Variants in PLD6 observed in about 807,000 individuals in gnomAD.
PLD6 encodes the protein phospholipase D family member 6.
In PLD6, 10 loss-of-function variants were observed where a neutral mutation model predicts 9.7. The observed-to-expected ratio is 1.03, with a 90% CI of 0.64 to 1.75. The LOEUF (loss-of-function observed/expected upper bound fraction) is 1.75, where lower values mean the gene tolerates loss of function less well. Among genes scored for constraint, PLD6 ranks in the 40% most tolerant of loss-of-function variants. The pLI is 0.00. For synonymous variants in PLD6, 152 were observed against 159.2 expected (o/e 0.96, Z 0.34); for missense variants, 334 against 347.6 (o/e 0.96, Z 0.31).
At position 17,202,840 on chromosome 17, in the gene PLD6, G is replaced by A. The variant is rs2046686031; in HGVS notation, c.686C>T (p.Pro229Leu). 1 of 1,614,212 alleles carries A rather than the reference G, an allele frequency of 6.2e-7. No homozygotes were observed. Among genetic ancestry groups the A allele is most frequent in the African/African-American group, 1.3e-5 (1 of 75,060 alleles). ...PKKSHGSCAPPVSRAGGRLLS... is the reference protein window; with the variant it reads ...PKKSHGSCAPLVSRAGGRLLS... The stretch of plus-strand genomic sequence containing the variant: ...CAATCTCCCTCCAGCTCTGGAGACA[G>A]GTGGGGCACAGCTTCCGTGACTTTT... Residue 229 changes from proline (P) to leucine (L), a missense_variant, in exon 2 of 2, where the codon CCT becomes CTT. Physicochemically the swap from Pro to Leu is moderately conservative, Grantham distance 98. Transcript: ENST00000321560.
At position 17,202,455 on chromosome 17, in the gene PLD6, G is replaced by A. The variant is rs1348402988; in HGVS notation, c.*312C>T. The A allele has an allele frequency of 1.3e-5, 4 of 316,170 alleles. No individual in the cohort carries two copies. The East Asian group carries it at 2.7e-4, about 21-fold the overall frequency. 19.6% of individuals were successfully genotyped at this position (316,170 alleles called of 1,614,324 possible). On this transcript the variant is annotated 3_prime_UTR_variant, in exon 2 of 2. Transcript: ENST00000321560. ...TAGAATCAGGGAAGGGAATGGGATC[G>A]ACCTGGAAGAGGCACTGTGCCTTTT...
At position 17,202,450 on chromosome 17, in the gene PLD6, G is replaced by A; in HGVS notation, c.*317C>T. ...TTTTCTAGAATCAGGGAAGGGAATG[G>A]GATCGACCTGGAAGAGGCACTGTGC... On this transcript the variant is annotated 3_prime_UTR_variant, in exon 2 of 2. Coordinates refer to ENST00000321560, the MANE Select transcript of PLD6 (RefSeq NM_178836.4). The A allele has an allele frequency of 3.2e-6, 1 of 309,858 alleles. No homozygotes were observed. The highest frequency in any genetic ancestry group is 6.1e-6 in the Non-Finnish European group (1 of 164,388). The allele number at this position is 309,858 out of a possible 1,614,324, so 19.2% of individuals were successfully genotyped here.
In PLD6 at chr17:17,202,854, T is replaced by C; in HGVS notation, c.672A>G (p.Gly224=). Residue 224 remains glycine (G), a synonymous_variant, in exon 2 of 2, where the codon GGA becomes GGG. Coordinates refer to ENST00000321560, the MANE Select transcript of PLD6 (RefSeq NM_178836.4). ...CTCTGGAGACAGGTGGGGCACAGCT[T>C]CCGTGACTTTTCTTTGGTGGGAAAA... ...YTFFPPKKSH[G]SCAPPVSRAG... 1.2e-6 allele frequency: 2 copies of C among 1,614,196 alleles called. No homozygotes were observed. Among genetic ancestry groups the C allele is most frequent in the Non-Finnish European group, 1.7e-6 (2 of 1,180,028 alleles).
At chr17:17,205,784 C>A in intron 1 of PLD6, 76 bp downstream of exon 1, 3 of 1,488,552 alleles carry the variant, frequency 2.0e-6, no homozygotes, top group Middle Eastern at 1.7e-4. Context: ...ACCCCCTCCC[C>A]TAAGTGTCCA....
Position 17,202,944 on chromosome 17 carries a change from G to A in PLD6, c.582C>T (p.Tyr194=), listed in dbSNP as rs142631639. The A allele has an allele frequency of 3.8e-5, 62 of 1,614,080 alleles. No individual in the cohort carries two copies. The highest frequency in any genetic ancestry group is 4.4e-5 in the Non-Finnish European group (52 of 1,180,046). Reference sequence around the variant, plus strand: ...CAAATTCTTCCAGAAAAAGCCGCACGTACTCGTCGTCCTCCGTGATGAGAA... The same window carrying A: ...CAAATTCTTCCAGAAAAAGCCGCACATACTCGTCGTCCTCCGTGATGAGAA... ...ENVLITEDDE[Y]VRLFLEEFER... The change falls in exon 2 of 2, where the codon TAC becomes TAT. Residue 194 remains tyrosine (Y), a synonymous_variant. Transcript: ENST00000321560.
chr17:17,206,171 C>T lies in PLD6; in HGVS notation c.116G>A (p.Arg39His). The change falls in exon 1 of 2, where the codon CGC becomes CAC. Residue 39 changes from arginine (R) to histidine (H), a missense_variant. Physicochemically the swap from Arg to His is conservative, Grantham distance 29. Transcript: ENST00000321560. ...CTGAGACGGGAAGAACAGCGCCTCG[C>T]GCCGCGGCCGCCGCCGCCTGGACCG... ...WLRSRRRRPR[R>H]EALFFPSQVT... 6.6e-7 allele frequency: 1 copy of T among 1,506,380 alleles called. No individual in the cohort carries two copies. The highest frequency in any genetic ancestry group is 1.4e-5 in the African/African-American group (1 of 69,264). 93.3% of individuals were successfully genotyped at this position (1,506,380 alleles called of 1,614,324 possible).
At position 17,202,761 on chromosome 17, in the gene PLD6, T is replaced by C; in HGVS notation, c.*6A>G. ...GCCCGCAGGGAGGGCTCAGCCCCAT[T>C]CTTGGTTAGGTTTGGCTTTCGCTGG... On this transcript the variant is annotated 3_prime_UTR_variant, in exon 2 of 2. Coordinates refer to ENST00000321560, the MANE Select transcript of PLD6 (RefSeq NM_178836.4). 6.2e-7 allele frequency: 1 copy of C among 1,610,654 alleles called. No homozygotes were observed. Among genetic ancestry groups the C allele is most frequent in the Non-Finnish European group, 8.5e-7 (1 of 1,177,896 alleles).
rs151092181 is a variant in PLD6, at chr17:17,205,788, G to C, written c.427+72C>G. 7.9e-3 allele frequency: 11,792 copies of C among 1,496,118 alleles called. 120 individuals are homozygous for C. Among genetic ancestry groups the C allele is most frequent in the Admixed American group, 0.046 (2,272 of 49,718 alleles). The allele number at this position is 1,496,118 out of a possible 1,614,324, so 92.7% of individuals were successfully genotyped here. On this transcript the variant is annotated intron_variant, in intron 1 of 1. Coordinates refer to ENST00000321560, the MANE Select transcript of PLD6 (RefSeq NM_178836.4). Reference sequence around the variant, plus strand: ...CCCGTCCCCAGACCCCCTCCCCTAAGTGTCCACCTTTGCGCCTAGGACCCC... The same window carrying C: ...CCCGTCCCCAGACCCCCTCCCCTAACTGTCCACCTTTGCGCCTAGGACCCC...
At chr17:17,205,790 G>A (rs1176040710) in intron 1 of PLD6, 70 bp downstream of exon 1, 2 of 1,501,848 alleles carry the variant, frequency 1.3e-6, no homozygotes, top group African/African-American at 1.4e-5. Flanking sequence ...TCCCCTAAGT[G>A]TCCACCTTTG....
At chr17:17,205,801 C>T in intron 1 of PLD6, 59 bp downstream of exon 1, 2 of 1,526,340 alleles carry the variant, frequency 1.3e-6, no homozygotes, top group South Asian at 1.2e-5. Flanking sequence ...TCCACCTTTG[C>T]GCCTAGGACC....
chr17:17,203,770 T>C lies in PLD6; in HGVS notation c.428-672A>G, dbSNP rs1401511189. On this transcript the variant is annotated intron_variant, in intron 1 of 1. Coordinates refer to ENST00000321560, the MANE Select transcript of PLD6 (RefSeq NM_178836.4). Reference sequence around the variant, plus strand: ...GCTTAAGGAATGAGGCCGTCAGAAATGGGGCTTAAAAGAAGTTTTAAACAG... The same window carrying C: ...GCTTAAGGAATGAGGCCGTCAGAAACGGGGCTTAAAAGAAGTTTTAAACAG... Among the ~76,000 whole-genome samples the C allele has an allele frequency of 3.9e-5, 6 of 152,132 alleles. No homozygotes were observed. In the East Asian group the frequency reaches 1.2e-3, roughly 29 times the overall value.
chr17:17,201,086 T>G lies in PLD6; in HGVS notation c.*1681A>C, dbSNP rs543784603. On this transcript the variant is annotated 3_prime_UTR_variant, in exon 2 of 2. Coordinates refer to ENST00000321560, the MANE Select transcript of PLD6 (RefSeq NM_178836.4). ...GAGATGCTTTACAAGCTCTCCCATT[T>G]TCTTTTCAGAACATACACTGGGGGA... is the stretch of plus-strand genomic sequence containing the variant. 6.6e-6 allele frequency: 1 copy of G among 152,406 alleles called. No homozygotes were observed. Among genetic ancestry groups the G allele is most frequent in the South Asian group, 2.1e-4 (1 of 4,832 alleles). The allele number at this position is 152,406 out of a possible 1,614,324, so 9.4% of individuals were successfully genotyped here. A position where few individuals can be genotyped will look rare whatever the true frequency, so the allele number is the denominator to read the frequency against.
At chr17:17,203,175 C>G in intron 1 of PLD6, 77 bp from the exon 2 acceptor site, 1 of 1,424,290 alleles carries the variant, frequency 7.0e-7, no homozygotes, top group East Asian at 2.4e-5. Context: ...GGGCTACTGG[C>G]TTTACTATAT....
At chr17:17,204,504 C>G (rs1280555848) in intron 1 of PLD6, 1 of 152,314 alleles carries the variant, frequency 6.6e-6, no homozygotes, top group African/African-American at 2.4e-5. Context: ...CTAGGATGTT[C>G]CAGCTCCTCA....
In PLD6 at chr17:17,206,181, G is replaced by A. The variant is rs771440944; in HGVS notation, c.106C>T (p.Arg36Trp). The change falls in exon 1 of 2, where the codon CGG becomes TGG. Residue 36 changes from arginine to tryptophan, a missense_variant. By Grantham distance (101) the Arg-to-Trp change is moderately radical (BLOSUM62 -3). Coordinates refer to ENST00000321560, the MANE Select transcript of PLD6 (RefSeq NM_178836.4). Reference protein sequence around the residue: ...VLRWLRSRRRRPRREALFFPS... With the variant: ...VLRWLRSRRRWPRREALFFPS... ...AAGAACAGCGCCTCGCGCCGCGGCC[G>A]CCGCCGCCTGGACCGCAGCCAGCGC... 5 of 1,511,298 alleles carry A rather than the reference G, an allele frequency of 3.3e-6. No homozygotes were observed. In the South Asian group the frequency reaches 3.7e-5, roughly 11 times the overall value. The allele number at this position is 1,511,298 out of a possible 1,614,324, so 93.6% of individuals were successfully genotyped here.
At chr17:17,205,223 C>T (rs928881710) in intron 1 of PLD6, among the ~76,000 whole-genome samples, 1 of 152,166 alleles carries the variant, frequency 6.6e-6, no homozygotes, top group African/African-American at 2.4e-5. Context: ...CTGTCCCCAC[C>T]CCATGAGAGA....
At chr17:17,203,240 G>A in intron 1 of PLD6, 142 bp from the exon 2 acceptor site, 1 of 852,044 alleles carries the variant, frequency 1.2e-6, no homozygotes, top group Non-Finnish European at 1.8e-6. Flanking sequence ...AGTGGTGGCG[G>A]CTAAGCTCCC....
rs2046678309 is a variant in PLD6, at chr17:17,202,011, AAAAT to A, written c.*752_*755del. On this transcript the variant is annotated 3_prime_UTR_variant, in exon 2 of 2. Transcript: ENST00000321560. ...AAAAAAGATAAATAAATAAATAAAT[AAAAT>A]AAAAAAAGTTAAAAGCCCAACATAG... 6.6e-6 allele frequency: 1 copy of A among 152,208 alleles called. No homozygotes were observed. Among genetic ancestry groups the A allele is most frequent in the South Asian group, 2.1e-4 (1 of 4,820 alleles). The allele number at this position is 152,208 out of a possible 1,614,324, so 9.4% of individuals were successfully genotyped here.
Position 17,206,153 on chromosome 17 carries a change from G to A in PLD6, c.134C>T (p.Pro45Leu). 1 of 1,504,394 alleles carries A rather than the reference G, an allele frequency of 6.6e-7. No homozygotes were observed. Among genetic ancestry groups the A allele is most frequent in the Non-Finnish European group, 8.8e-7 (1 of 1,133,768 alleles). The allele number at this position is 1,504,394 out of a possible 1,614,324, so 93.2% of individuals were successfully genotyped here. The change falls in exon 1 of 2, where the codon CCG (proline) becomes CTG (leucine). Residue 45 changes from proline (P) to leucine (L), a missense_variant. By Grantham distance (98) the Pro-to-Leu change is moderately conservative (BLOSUM62 -3). Coordinates refer to ENST00000321560, the MANE Select transcript of PLD6 (RefSeq NM_178836.4). ...RRPRREALFF[P>L]SQVTCTEALL... ...GGCCTCGGTACAGGTCACCTGAGAC[G>A]GGAAGAACAGCGCCTCGCGCCGCGG...
Sources: gnomAD v4.1 joint callset for allele counts (sites outside exome capture counted in the v4.1 genomes callset) on GRCh38, gnomAD v4.1.1 for gene constraint, MANE v1.5 for transcripts, NCBI Gene and HGNC (gene_info 2026-07-23, HGNC 2026-07-21) for gene names.